The following AHNAK variants were observed in gnomAD, a reference collection of about 807,000 sequenced individuals.
AHNAK encodes AHNAK nucleoprotein, also known as neuroblast differentiation-associated protein AHNAK.
A neutral mutation model predicts 37.8 loss-of-function variants in AHNAK; 23 were observed. The observed-to-expected ratio is 0.61, with a 90% confidence interval of 0.44 to 0.86. The LOEUF (loss-of-function observed/expected upper bound fraction) is 0.86. Ranked by LOEUF, AHNAK falls within the 40% of genes least tolerant of loss-of-function variation. AHNAK has a pLI of 0.00. For synonymous variants in AHNAK, 2,481 were observed against 2,636.3 expected, an observed-to-expected ratio of 0.94 and a Z score of 1.80; for missense variants, 7,411 against 7,319.4, an observed-to-expected ratio of 1.01 and a Z score of -0.46.
Position 62,500,559 on chromosome 11 carries a change from G to A in AHNAK, c.343-8728C>T, listed in dbSNP as rs536180191. Among the ~76,000 whole-genome samples, 15 of 152,308 alleles carry A rather than the reference G, an allele frequency of 9.8e-5. No individual in the cohort carries two copies. In the South Asian group the frequency reaches 1.0e-3, roughly 11 times the overall value. ...AGAGCCCGATGATGACACACAGGGCGTGGTATGTGGCTCCGAACCTCCCCA... is the reference window on the plus strand; with the variant it reads ...AGAGCCCGATGATGACACACAGGGCATGGTATGTGGCTCCGAACCTCCCCA... On this transcript the variant is annotated intron_variant, in intron 4 of 5. Transcript: ENST00000257247.
At chr11:62,490,052 C>T (rs1046880183) in intron 5 of AHNAK, among the ~76,000 whole-genome samples, 4 of 151,438 alleles carry the variant, frequency 2.6e-5, no homozygotes, top group Admixed American at 6.6e-5. Flanking sequence ...AGCCTGGGAA[C>T]GGGAAGTGGG....
Position 62,530,058 on chromosome 11 carries a change from T to C in AHNAK, c.4359A>G (p.Ile1453Met), listed in dbSNP as rs942637418. The change falls in exon 5 of 5, where the codon ATA becomes ATG. Residue 1453 changes from isoleucine to methionine, a missense_variant. By Grantham distance (10) the Ile-to-Met change is conservative. Transcript: ENST00000378024. ...CTTTCAAATGCAAACCAACATCTGG[T>C]ATGGATATCTTCTGAGGCTTTATAC... ...EMSIKPQKIS[I>M]PDVGLHLKGP... 1.9e-6 allele frequency: 3 copies of C among 1,613,842 alleles called. No homozygotes were observed. The highest frequency in any genetic ancestry group is 2.5e-6 in the Non-Finnish European group (3 of 1,179,970).
intron 5 of AHNAK, among the ~76,000 whole-genome samples, chr11:62,445,643 C>T (rs556554012): frequency 2.6e-5 from 4 of 152,136 alleles, no homozygotes; most frequent in South Asian, 2.1e-4. Context: ...CACTTGAGCA[C>T]GGAAGGTCAA....
At chr11:62,433,739 G>A (rs1938096966) in exon 6 of AHNAK, 1 of 1,168,838 alleles carries the variant, frequency 8.6e-7, no homozygotes, top group Non-Finnish European at 1.2e-6. Flanking sequence ...GCTCCGAAAA[G>A]CCGCCTCGCG....
chr11:62,435,906 C>T (rs1938159135), intron 5 of AHNAK, among the ~76,000 whole-genome samples: 1 of 152,154 alleles, frequency 6.6e-6, no homozygotes. Flanking sequence ...CTGAGCTGAG[C>T]ACTTCTTACA....
In AHNAK at chr11:62,519,941, C is replaced by T. The variant is rs1409751071; in HGVS notation, c.14476G>A (p.Glu4826Lys). Residue 4826 changes from glutamate to lysine, a missense_variant, in exon 5 of 5, where the codon GAA becomes AAA. Physicochemically the swap from Glu to Lys is moderately conservative, Grantham distance 56. Transcript: ENST00000378024. ...VDVDIPDVNI[E>K]GPDAKLKGPK... ...CCCTTCAGTTTTGCGTCTGGACCTT[C>T]GATATTCACATCTGGAATATCAACG... 10 of 1,613,472 alleles carry T rather than the reference C, an allele frequency of 6.2e-6. No individual in the cohort carries two copies. Among genetic ancestry groups the T allele is most frequent in the East Asian group, 2.2e-5 (1 of 44,826 alleles).
chr11:62,467,631 G>A (rs1467059546), intron 5 of AHNAK, among the ~76,000 whole-genome samples: 2 of 152,232 alleles, frequency 1.3e-5, no homozygotes, highest in African/African-American at 4.8e-5. Context: ...GTTGCAGTGA[G>A]CCAAGATCAC....
chr11:62,528,602 C>A lies in AHNAK; in HGVS notation c.5815G>T (p.Asp1939Tyr), dbSNP rs568382911. The change falls in exon 5 of 5, where the codon GAT becomes TAT. Residue 1939 changes from aspartate to tyrosine, a missense_variant. Physicochemically the swap from Asp to Tyr is radical, Grantham distance 160. Transcript: ENST00000378024. ...AATTTTGGCACCGACACATCCACAT[C>A]CCCTTTGACTTTGGGGCCTTTCAAG... The part of the protein sequence containing the change: ...LHLKGPKVKG[D>Y]VDVSVPKLEG... The A allele has an allele frequency of 3.7e-6, 6 of 1,610,884 alleles. No individual in the cohort carries two copies. The highest frequency in any genetic ancestry group is 5.1e-6 in the Non-Finnish European group (6 of 1,179,332).
rs780763714 is a variant in AHNAK, at chr11:62,530,942, C to G, written c.3475G>C (p.Gly1159Arg). The G allele has an allele frequency of 6.2e-7, 1 of 1,613,990 alleles. No individual in the cohort carries two copies. Among genetic ancestry groups the G allele is most frequent in the Non-Finnish European group, 8.5e-7 (1 of 1,180,012 alleles). The stretch of plus-strand genomic sequence containing the variant: ...GGGGCTTCGATGTCCACCTTGGGTC[C>G]TGAGACAACAACGTCAGCCTTAGGC... Reference protein sequence around the residue: ...NLPKADVVVSGPKVDIEAPDV... With the variant: ...NLPKADVVVSRPKVDIEAPDV... Residue 1159 changes from glycine to arginine, a missense_variant, in exon 5 of 5, where the codon GGA (glycine) becomes CGA (arginine). Transcript: ENST00000378024.
intron 5 of AHNAK, among the ~76,000 whole-genome samples, chr11:62,446,404 A>C (rs1938423659): frequency 6.6e-6 from 1 of 152,140 alleles, no homozygotes; most frequent in East Asian, 1.9e-4. Flanking sequence ...GCATCCCATA[A>C]TAGCCACACC....
At chr11:62,505,947 G>A (rs1939803325) in intron 4 of AHNAK, among the ~76,000 whole-genome samples, 1 of 146,566 alleles carries the variant, frequency 6.8e-6, no homozygotes, top group Admixed American at 7.0e-5. Context: ...CGGCACTTCC[G>A]CAGGCCAAGG....
rs148789070 is a variant in AHNAK, at chr11:62,464,043, C to T, written c.442+27689G>A. On this transcript the variant is annotated intron_variant, in intron 5 of 5. Transcript: ENST00000257247. ...TCAGCCTCCCAAAGTGCTGGGATTA[C>T]AGGCTTGAGCTACCGTGCCCGATGA... Among the ~76,000 whole-genome samples the T allele has an allele frequency of 3.0e-4, 45 of 151,716 alleles. No individual in the cohort carries two copies. The East Asian group carries it at 8.0e-3, about 27-fold the overall frequency.
In AHNAK at chr11:62,532,301, C is replaced by T. The variant is rs779878574; in HGVS notation, c.2116G>A (p.Val706Met). 19 of 1,613,214 alleles carry T rather than the reference C, an allele frequency of 1.2e-5. No individual in the cohort carries two copies. The African/African-American group carries it at 1.2e-4, about 10-fold the overall frequency. Residue 706 changes from valine to methionine, a missense_variant, in exon 5 of 5, where the codon GTG becomes ATG. By Grantham distance (21) the Val-to-Met change is conservative. Coordinates refer to ENST00000378024, the MANE Select transcript of AHNAK (RefSeq NM_001620.3). ...KISMPDVDLH[V>M]KGTKVKGEYD... ...TCTCCCTTCACCTTTGTACCTTTCA[C>T]GTGCAAATCTACATCAGGCATGGAG...
Position 62,530,222 on chromosome 11 carries a change from C to A in AHNAK, c.4195G>T (p.Gly1399Cys). 6.2e-7 allele frequency: 1 copy of A among 1,612,736 alleles called. No individual in the cohort carries two copies. The highest frequency in any genetic ancestry group is 8.5e-7 in the Non-Finnish European group (1 of 1,179,756). Residue 1399 changes from glycine (G) to cysteine (C), a missense_variant, in exon 5 of 5, where the codon GGC becomes TGC. Transcript: ENST00000378024. ...GGCAGCTTCACATCCACTTCAGGGC[C>A]CTCTCCTTTGAAGCCGGGCATGCTG... ...KFSMPGFKGE[G>C]PEVDVKLPKA...
At chr11:62,499,490 G>A (rs925647709) in intron 4 of AHNAK, among the ~76,000 whole-genome samples, 2 of 152,186 alleles carry the variant, frequency 1.3e-5, no homozygotes, top group African/African-American at 4.8e-5. Flanking sequence ...GGCGGAGGTT[G>A]TAGTGAGCCA....
chr11:62,491,925 G>C (rs11231108), intron 4 of AHNAK: 66,240 of 1,158,136 alleles, frequency 0.057, 6,928 homozygotes, highest in African/African-American at 0.43. Flanking sequence ...TAAAATACCA[G>C]AGACCCCACG....
Position 62,516,102 on chromosome 11 carries a change from G to A in AHNAK, c.*642C>T, listed in dbSNP as rs1940009631. ...ACAGAAAATGGAAGCCCCTCATGTT[G>A]AGGGGGTGGGTTGGACAATTTGCAA... On this transcript the variant is annotated 3_prime_UTR_variant, in exon 5 of 5. Transcript: ENST00000378024. The A allele has an allele frequency of 1.4e-5, 18 of 1,263,804 alleles. No homozygotes were observed. The South Asian group carries it at 2.3e-4, about 16-fold the overall frequency. The allele number at this position is 1,263,804 out of a possible 1,614,324, so 78.3% of individuals were successfully genotyped here. A position where few individuals can be genotyped will look rare whatever the true frequency, so the allele number is the denominator to read the frequency against.
chr11:62,544,580 A>C (rs1941245525), intron 1 of AHNAK, among the ~76,000 whole-genome samples: 1 of 147,798 alleles, frequency 6.8e-6, no homozygotes, highest in Non-Finnish European at 1.5e-5. Flanking sequence ...ACCCTCCCTC[A>C]CCCCAAAGCT....
In AHNAK at chr11:62,528,293, G is replaced by A. The variant is rs1251792316; in HGVS notation, c.6124C>T (p.Pro2042Ser). 3 of 1,613,932 alleles carry A rather than the reference G, an allele frequency of 1.9e-6. No individual in the cohort carries two copies. Among genetic ancestry groups the A allele is most frequent in the African/African-American group, 1.3e-5 (1 of 74,844 alleles). The change falls in exon 5 of 5, where the codon CCA becomes TCA. Residue 2042 changes from proline to serine, a missense_variant. Physicochemically the swap from Pro to Ser is moderately conservative, Grantham distance 74. Transcript: ENST00000378024. ...IDAPDVDVHG[P>S]DWHLKMPKMK... ...TTGGGCATCTTCAGGTGCCAGTCTG[G>A]GCCATGAACATCCACATCTGGGGCA...
Sources: gnomAD v4.1 joint callset for allele counts (sites outside exome capture counted in the v4.1 genomes callset) on GRCh38, gnomAD v4.1.1 for gene constraint, MANE v1.5 for transcripts, NCBI Gene and HGNC (gene_info 2026-07-23, HGNC 2026-07-21) for gene names.